Variants in TRPV4 observed in about 807,000 individuals in gnomAD.
TRPV4 encodes transient receptor potential cation channel subfamily V member 4, also known as OSM9-like transient receptor potential channel 4.
In TRPV4, 58 loss-of-function variants were observed where a neutral mutation model predicts 84.1. The ratio of observed to expected loss-of-function variants is 0.69; its 90% confidence interval spans 0.56 to 0.86. The LOEUF (loss-of-function observed/expected upper bound fraction) is 0.86. Among genes scored for constraint, TRPV4 ranks in the 40% least tolerant of loss-of-function variants. The pLI is 0.00. For missense variants in TRPV4, 879 were observed against 1,181.1 expected, an observed-to-expected ratio of 0.74 and a Z score of 3.75; for synonymous variants, 489 against 500.9, an observed-to-expected ratio of 0.98 and a Z score of 0.32.
intron 12 of TRPV4, 99 bp downstream of exon 12, chr12:109,792,264 A>AAAT: frequency 1.5e-5 from 13 of 887,440 alleles, no homozygotes; most frequent in Non-Finnish European, 2.0e-5. Flanking sequence ...AAAAAAAAAA[A>AAAT]AGAACTCAGC....
Position 109,814,295 on chromosome 12 carries a change from A to C in TRPV4, c.386+116T>G. 8.4e-7 allele frequency: 1 copy of C among 1,191,178 alleles called. No homozygotes were observed. Among genetic ancestry groups the C allele is most frequent in the Non-Finnish European group, 1.2e-6 (1 of 828,380 alleles). The allele number at this position is 1,191,178 out of a possible 1,614,324, so 73.8% of individuals were successfully genotyped here. Reference sequence around the variant, plus strand: ...TAGATGTATGGATGGTTGGATGGACAGATGGATGGATGGATGAATCGACGG... The same window carrying C: ...TAGATGTATGGATGGTTGGATGGACCGATGGATGGATGGATGAATCGACGG... On this transcript the variant is annotated intron_variant, in intron 2 of 15. Transcript: ENST00000261740. The surrounding 1 kb of genome is among the most constrained non-coding windows in gnomAD (Gnocchi z 5.4).
intron 13 of TRPV4, among the ~76,000 whole-genome samples, chr12:109,787,315 T>C (rs1434712703): frequency 6.6e-6 from 1 of 152,190 alleles, no homozygotes; most frequent in Non-Finnish European, 1.5e-5. Context: ...TTTAATATAA[T>C]GGTCTGATGC....
rs1216683861 is a variant in TRPV4, at chr12:109,798,642, A to T, written c.1124T>A (p.Met375Lys). The T allele has an allele frequency of 1.2e-6, 2 of 1,612,844 alleles. No individual in the cohort carries two copies. Among genetic ancestry groups the T allele is most frequent in the Admixed American group, 1.7e-5 (1 of 60,012 alleles). ...VLNNDGLSPL[M>K]MAAKTGKIGI... is the part of the protein sequence containing the mutation. ...AATCTTGCCCGTCTTGGCAGCCATC[A>T]TGAGGGGCGAGAGGCCGTCGTTGTT... The change falls in exon 6 of 16, where the codon ATG becomes AAG. Residue 375 changes from methionine to lysine, a missense_variant. Met to Lys is a moderately conservative substitution (Grantham distance 95). This residue lies in a region of TRPV4 where 521 missense variants were observed against 686.6 expected (regional missense o/e 0.76). Transcript: ENST00000261740. This position sits in a 1 kb window ranked among gnomAD's most constrained non-coding sequence, Gnocchi z 5.0.
Position 109,792,396 on chromosome 12 carries a change from C to G in TRPV4, c.1858G>C (p.Val620Leu). 1 of 1,613,892 alleles carries G rather than the reference C, an allele frequency of 6.2e-7. No homozygotes were observed. The highest frequency in any genetic ancestry group is 8.5e-7 in the Non-Finnish European group (1 of 1,180,012). ...LFKDLFRFLL[V>L]YLLFMIGYAS... ...TAGCCGATCATGAAGAGCAAGTAGA[C>G]GAGCAGGAATCGGAAAAGGTCCTTG... is the stretch of plus-strand genomic sequence containing the variant. Residue 620 changes from valine to leucine, a missense_variant, in exon 12 of 16, where the codon GTC becomes CTC. This residue lies in a region of TRPV4 where 242 missense variants were observed against 355.3 expected (regional missense o/e 0.68). Transcript: ENST00000261740.
rs756076344 is a variant in TRPV4, at chr12:109,784,342, G to A, written c.2432C>T (p.Ser811Leu). 8.7e-6 allele frequency: 14 copies of A among 1,614,056 alleles called. No individual in the cohort carries two copies. Among genetic ancestry groups the A allele is most frequent in the East Asian group, 4.5e-5 (2 of 44,894 alleles). ...CCTGCGGAGGCGGCCCACGGTATGCGAGAAGCCATAATACTGGTAGGTCTC... is the reference window on the plus strand; with the variant it reads ...CCTGCGGAGGCGGCCCACGGTATGCAAGAAGCCATAATACTGGTAGGTCTC... ...KNETYQYYGF[S>L]HTVGRLRRDR... Residue 811 changes from serine (S) to leucine (L), a missense_variant, in exon 15 of 16, where the codon TCG becomes TTG. Coordinates refer to ENST00000261740, the MANE Select transcript of TRPV4 (RefSeq NM_021625.5).
At chr12:109,794,755 T>C (rs977268738) in intron 7 of TRPV4, among the ~76,000 whole-genome samples, 1 of 152,208 alleles carries the variant, frequency 6.6e-6, no homozygotes, top group African/African-American at 2.4e-5. Context: ...CAGTGGCTCA[T>C]GCCTGTAATC....
chr12:109,827,483 C>G (rs921406552), intron 1 of TRPV4, among the ~76,000 whole-genome samples: 5 of 152,022 alleles, frequency 3.3e-5, no homozygotes, highest in African/African-American at 1.2e-4. Flanking sequence ...GTCAGTCAAC[C>G]CCATGCCCCC....
At chr12:109,790,702 C>A (rs1413902245) in intron 12 of TRPV4, among the ~76,000 whole-genome samples, 3 of 150,336 alleles carry the variant, frequency 2.0e-5, no homozygotes, top group African/African-American at 7.4e-5. Context: ...GGCAACATAG[C>A]AAGACCCTGC....
intron 1 of TRPV4, among the ~76,000 whole-genome samples, chr12:109,827,638 A>G (rs1423572794): frequency 6.6e-6 from 1 of 151,954 alleles, no homozygotes; most frequent in Non-Finnish European, 1.5e-5. Flanking sequence ...ACACACATAC[A>G]TACATATACA....
At chr12:109,822,441 A>T (rs1317699559) in intron 1 of TRPV4, among the ~76,000 whole-genome samples, 1 of 151,928 alleles carries the variant, frequency 6.6e-6, no homozygotes, top group African/African-American at 2.4e-5. Context: ...GAAGACAAGG[A>T]CTCTGAGCTT....
intron 13 of TRPV4, 57 bp downstream of exon 13, chr12:109,788,343 C>G: frequency 6.5e-7 from 1 of 1,547,420 alleles, no homozygotes; most frequent in Non-Finnish European, 8.8e-7. Context: ...TCGGGTGGGT[C>G]TCCTCGGAAG....
At position 109,798,767 on chromosome 12, in the gene TRPV4, G is replaced by A; in HGVS notation, c.999C>T (p.Asp333=). Residue 333 remains aspartate, a synonymous_variant, in exon 6 of 16, where the codon GAC becomes GAT. Coordinates refer to ENST00000261740, the MANE Select transcript of TRPV4 (RefSeq NM_021625.5). This position sits in a 1 kb window ranked among gnomAD's most constrained non-coding sequence, Gnocchi z 5.0. ...CAAACTTGGTGTTCTCACGGGTGTT[G>A]TCAGCAATGGCCACCAGCGCATGCA... ...TVLHALVAIA[D]NTRENTKFVT... is the part of the protein sequence containing the mutation. 1 of 1,614,184 alleles carries A rather than the reference G, an allele frequency of 6.2e-7. No individual in the cohort carries two copies. Among genetic ancestry groups the A allele is most frequent in the Non-Finnish European group, 8.5e-7 (1 of 1,180,054 alleles).
rs1890409863 is a variant in TRPV4 at position 109,796,523 on chromosome 12, A to C, written c.1332+2T>G. ...CACCCCATGCCCCCTCCTGGAGCCC[A>C]CCTCAATCTTGCTGTTGTACACCAG... On this transcript the variant is annotated splice_donor_variant, in intron 7 of 15. Coordinates refer to ENST00000261740, the MANE Select transcript of TRPV4 (RefSeq NM_021625.5). LOFTEE classifies it high-confidence loss of function. The surrounding 1 kb of genome is among the most constrained non-coding windows in gnomAD (Gnocchi z 4.2). 1.9e-6 allele frequency: 3 copies of C among 1,612,744 alleles called. No individual in the cohort carries two copies. Among genetic ancestry groups the C allele is most frequent in the Non-Finnish European group, 1.7e-6 (2 of 1,179,602 alleles).
Position 109,796,958 on chromosome 12 carries a change from A to G in TRPV4, c.1153-254T>C, listed in dbSNP as rs116802900. Among the ~76,000 whole-genome samples, 1,301 of 152,324 alleles carry G rather than the reference A, an allele frequency of 8.5e-3. 20 individuals are homozygous for G. The highest frequency in any genetic ancestry group is 0.03 in the African/African-American group (1,243 of 41,566). The stretch of plus-strand genomic sequence containing the variant: ...CCAGACAGAACCTGGATGAGCCTTC[A>G]ACATCTTAATTGTAATGAATATCTT... On this transcript the variant is annotated intron_variant, in intron 6 of 15. Transcript: ENST00000261740. The surrounding 1 kb of genome is among the most constrained non-coding windows in gnomAD (Gnocchi z 4.2).
In TRPV4 at chr12:109,783,475, A is replaced by G. The variant is rs998545357; in HGVS notation, c.*146T>C. 1.0e-4 allele frequency: 111 copies of G among 1,113,828 alleles called. No homozygotes were observed. The African/African-American group carries it at 1.5e-3, about 15-fold the overall frequency. The allele number at this position is 1,113,828 out of a possible 1,614,324, so 69.0% of individuals were successfully genotyped here. A position where few individuals can be genotyped will look rare whatever the true frequency, so the allele number is the denominator to read the frequency against. On this transcript the variant is annotated 3_prime_UTR_variant, in exon 16 of 16. Transcript: ENST00000261740. The surrounding 1 kb of genome is among the most constrained non-coding windows in gnomAD (Gnocchi z 4.6). ...TGGGGAGGCAGAGCCAGGGGACCAC[A>G]GGGTCCTGGGGCCTCCCTGGCACCT...
chr12:109,823,050 T>C (rs1042826794), intron 1 of TRPV4, among the ~76,000 whole-genome samples: 37 of 152,186 alleles, frequency 2.4e-4, no homozygotes, highest in African/African-American at 8.9e-4. Flanking sequence ...AAGTGGCGGC[T>C]GCTGGGAACA....
At chr12:109,788,288 A>G (rs1338818821) in intron 13 of TRPV4, 112 bp downstream of exon 13, 1 of 1,023,716 alleles carries the variant, frequency 9.8e-7, no homozygotes, top group Non-Finnish European at 1.4e-6. Context: ...TGGAGGGAGA[A>G]TGAGAAGACA....
At chr12:109,822,943 GA>G (rs1892148017) in intron 1 of TRPV4, among the ~76,000 whole-genome samples, 1 of 152,212 alleles carries the variant, frequency 6.6e-6, no homozygotes, top group Non-Finnish European at 1.5e-5. Flanking sequence ...GGGAACAGAT[GA>G]ACAAAAGGAC....
At position 109,784,441 on chromosome 12, in the gene TRPV4, G is replaced by T. The variant is rs771460747; in HGVS notation, c.2337-4C>A. On this transcript the variant is annotated splice_region_variant and splice_polypyrimidine_tract_variant and intron_variant, in intron 14 of 15. Coordinates refer to ENST00000261740, the MANE Select transcript of TRPV4 (RefSeq NM_021625.5). ...AGACCAGTTCACCTCATCCACCCTG[G>T]CAGGGCCCAAGCAGAGGGTCATGGG... The T allele has an allele frequency of 6.2e-7, 1 of 1,614,040 alleles. No individual in the cohort carries two copies. Among genetic ancestry groups the T allele is most frequent in the Non-Finnish European group, 8.5e-7 (1 of 1,179,982 alleles).
Sources: allele counts gnomAD v4.1 joint callset (sites outside exome capture counted in the v4.1 genomes callset), GRCh38; gene constraint gnomAD v4.1.1; regional missense constraint gnomAD v4.1.1; non-coding constraint Gnocchi (gnomAD v3.1); transcripts MANE v1.5; gene names NCBI Gene and HGNC (gene_info 2026-07-23, HGNC 2026-07-21).